The following ZNF678 variants were observed in gnomAD, a reference collection of about 807,000 sequenced individuals.
The protein encoded by ZNF678 is zinc finger protein 678.
ZNF678 carries 5 observed loss-of-function variants against 3.0 expected under a neutral mutation model. The ratio of observed to expected loss-of-function variants is 1.69; its 90% CI spans 0.88 to 3.56. The LOEUF is 3.56. Ranked by LOEUF, ZNF678 falls within the 30% of genes most tolerant of loss-of-function variation. The pLI is 0.00. For synonymous variants in ZNF678, 218 were observed against 199.6 expected, an observed-to-expected ratio of 1.09 and a Z score of -0.78; for missense variants, 593 against 605.0, an observed-to-expected ratio of 0.98 and a Z score of 0.21.
intron 5 of ZNF678, among the ~76,000 whole-genome samples, chr1:227,671,740 A>G (rs1341238500): frequency 2.0e-5 from 3 of 152,180 alleles, no homozygotes; most frequent in African/African-American, 7.2e-5. Context: ...TTATTCCACC[A>G]AACTTCTTTA....
intron 1 of ZNF678, among the ~76,000 whole-genome samples, chr1:227,626,347 A>G (rs928641308): frequency 1.3e-5 from 2 of 152,220 alleles, no homozygotes; most frequent in African/African-American, 2.4e-5. Context: ...TACTCCAGCC[A>G]TTTTAACCGC....
intron 1 of ZNF678, among the ~76,000 whole-genome samples, chr1:227,581,185 A>G (rs576952838): frequency 6.6e-6 from 1 of 152,002 alleles, no homozygotes; most frequent in Admixed American, 6.6e-5. Context: ...AATTGCTAAG[A>G]AAAGTATTAG....
chr1:227,584,949 A>C (rs191394726), intron 1 of ZNF678, among the ~76,000 whole-genome samples: 3 of 152,246 alleles, frequency 2.0e-5, no homozygotes, highest in Non-Finnish European at 2.9e-5. Flanking sequence ...GAATTTTACA[A>C]GAAAGTTTAT....
intron 1 of ZNF678, among the ~76,000 whole-genome samples, chr1:227,590,319 G>A (rs946788097): frequency 7.3e-5 from 11 of 151,694 alleles, no homozygotes; most frequent in East Asian, 3.9e-4. Context: ...ATTTTCTACA[G>A]ACTTCTCTTT....
chr1:227,641,674 A>G (rs561242678), intron 1 of ZNF678, among the ~76,000 whole-genome samples: 1 of 152,280 alleles, frequency 6.6e-6, no homozygotes, highest in African/African-American at 2.4e-5. Flanking sequence ...ACAATTGTAC[A>G]GCAAAATATT....
intron 1 of ZNF678, among the ~76,000 whole-genome samples, chr1:227,633,134 G>A (rs1658592016): frequency 1.3e-5 from 2 of 152,208 alleles, no homozygotes; most frequent in South Asian, 4.1e-4. Context: ...ATCCGGAGGG[G>A]TGGAAGTCAT....
At chr1:227,627,289 G>A (rs1289338164) in intron 1 of ZNF678, among the ~76,000 whole-genome samples, 1 of 151,878 alleles carries the variant, frequency 6.6e-6, no homozygotes, top group East Asian at 1.9e-4. Context: ...CTTCTTTGGT[G>A]GCTAGCCATC....
intron 1 of ZNF678, among the ~76,000 whole-genome samples, chr1:227,631,045 A>G (rs368983667): frequency 9.9e-5 from 15 of 152,216 alleles, no homozygotes; most frequent in East Asian, 7.7e-4. Flanking sequence ...CTGCAGAGGA[A>G]TATAAGTTGT....
chr1:227,579,227 G>A (rs1451246053), intron 1 of ZNF678, among the ~76,000 whole-genome samples: 2 of 152,144 alleles, frequency 1.3e-5, no homozygotes, highest in African/African-American at 2.4e-5. Flanking sequence ...TACAGCTGGG[G>A]TTAGGAGTGG....
chr1:227,649,613 G>T (rs1659043426), intron 2 of ZNF678, among the ~76,000 whole-genome samples: 1 of 152,182 alleles, frequency 6.6e-6, no homozygotes, highest in Non-Finnish European at 1.5e-5. Context: ...GCCTCCCAAA[G>T]TGCTGGGATT....
At position 227,661,024 on chromosome 1, in the gene ZNF678, G is replaced by A. The variant is rs1431320739; in HGVS notation, c.*5196G>A. 1.3e-5 allele frequency: 2 copies of A among 152,048 alleles called. No individual in the cohort carries two copies. The highest frequency in any genetic ancestry group is 2.4e-5 in the African/African-American group (1 of 41,368). The allele number at this position is 152,048 out of a possible 1,614,324, so 9.4% of individuals were successfully genotyped here. On this transcript the variant is annotated 3_prime_UTR_variant, in exon 4 of 4. Transcript: ENST00000343776. ...GGAGGATGCATCTGTACCTAGAGGA[G>A]GACACAAAGGCATCATATGTTACAT...
intron 1 of ZNF678, among the ~76,000 whole-genome samples, chr1:227,612,445 T>A (rs1217111227): frequency 6.6e-6 from 1 of 152,180 alleles, no homozygotes; most frequent in Non-Finnish European, 1.5e-5. Flanking sequence ...GTGGGGTGCC[T>A]CCCTTTGGTG....
rs1479188165 is a variant in ZNF678, at chr1:227,659,888, A to T, written c.*4060A>T. 7.2e-6 allele frequency: 1 copy of T among 139,244 alleles called. No homozygotes were observed. The highest frequency in any genetic ancestry group is 3.0e-5 in the African/African-American group (1 of 32,910). The allele number at this position is 139,244 out of a possible 1,614,324, so 8.6% of individuals were successfully genotyped here. A position where few individuals can be genotyped will look rare whatever the true frequency, so the allele number is the denominator to read the frequency against. ...AACATGGTCTTGGCACTTAAAAAAA[A>T]AAAAACAATATATTCTCAATAACTG... On this transcript the variant is annotated 3_prime_UTR_variant, in exon 4 of 4. Transcript: ENST00000343776.
At chr1:227,569,333 A>T (rs542698930) in intron 1 of ZNF678, among the ~76,000 whole-genome samples, 1 of 152,216 alleles carries the variant, frequency 6.6e-6, no homozygotes, top group Non-Finnish European at 1.5e-5. Context: ...CTTGAAATAT[A>T]TGCAAATTTT....
chr1:227,586,741 G>A (rs1203468974), intron 1 of ZNF678, among the ~76,000 whole-genome samples: 1 of 152,224 alleles, frequency 6.6e-6, no homozygotes, highest in Non-Finnish European at 1.5e-5. Context: ...TCCTTGGCAT[G>A]TGAGAATATG....
At position 227,576,496 on chromosome 1, in the gene ZNF678, TC is replaced by T. The variant is rs137927860; in HGVS notation, c.-164+12774del. Among the ~76,000 whole-genome samples, 696 of 152,318 alleles carry T rather than the reference TC, an allele frequency of 4.6e-3. 19 individuals carry two copies. The South Asian group carries it at 0.057, about 12-fold the overall frequency. ...GAGGGTGTGTGTGTCCAGGAATGTA[TC>T]CATTTCCTCTAGATTTTCTAGTTTA... On this transcript the variant is annotated intron_variant, in intron 1 of 3. Transcript: ENST00000343776.
Position 227,655,815 on chromosome 1 carries a change from G to C in ZNF678, c.1565G>C (p.Cys522Ser), listed in dbSNP as rs768267518. The C allele has an allele frequency of 5.1e-6, 8 of 1,565,654 alleles. No individual in the cohort carries two copies. The South Asian group carries it at 9.8e-5, about 19-fold the overall frequency. ...GAGGAACCTGACAAATGTAAAAAATGTGGCAGTCTTTAAAAACTGCTTCAT... is the reference window on the plus strand; with the variant it reads ...GAGGAACCTGACAAATGTAAAAAATCTGGCAGTCTTTAAAAACTGCTTCAT... Reference protein sequence around the residue: ...TGEEPDKCKKCGSL With the variant: ...TGEEPDKCKKSGSL Residue 522 changes from cysteine to serine, a missense_variant, in exon 4 of 4, where the codon TGT (cysteine) becomes TCT (serine). Transcript: ENST00000343776.
downstream of ZNF678, among the ~76,000 whole-genome samples, chr1:227,667,032 A>G (rs568983835): frequency 6.7e-6 from 1 of 149,848 alleles, no homozygotes; most frequent in Non-Finnish European, 1.5e-5. Flanking sequence ...GGCGTGAGCT[A>G]CCGCACCCGG....
downstream of ZNF678, among the ~76,000 whole-genome samples, chr1:227,663,143 C>G (rs545013433): frequency 1.5e-4 from 23 of 152,238 alleles, no homozygotes; most frequent in Non-Finnish European, 2.8e-4. Flanking sequence ...AGAAAAAACA[C>G]CCCAGCCATA....
Sources: gnomAD v4.1 joint callset for allele counts (sites outside exome capture counted in the v4.1 genomes callset) on GRCh38, gnomAD v4.1.1 for gene constraint, MANE v1.5 for transcripts, NCBI Gene and HGNC (gene_info 2026-07-23, HGNC 2026-07-21) for gene names.